The following NAALADL2 variants were observed in gnomAD, a reference collection of about 807,000 sequenced individuals.
NAALADL2 encodes the protein inactive N-acetylated-alpha-linked acidic dipeptidase-like protein 2.
A neutral mutation model predicts 87.2 loss-of-function variants in NAALADL2; 76 were observed. The observed-to-expected ratio is 0.87, with a 90% CI of 0.72 to 1.05. The LOEUF is 1.05. Among genes scored for constraint, NAALADL2 ranks in the 50% least tolerant of loss-of-function variants. The pLI, the probability that NAALADL2 is intolerant of heterozygous loss-of-function variation, is 0.00. For missense variants in NAALADL2, 1,089 were observed against 945.8 expected (o/e 1.15, Z -1.99); for synonymous variants, 354 against 331.0 (o/e 1.07, Z -0.75).
chr3:175,594,259 C>T (rs1721941291), intron 10 of NAALADL2, among the ~76,000 whole-genome samples: 1 of 152,118 alleles, frequency 6.6e-6, no homozygotes, highest in African/African-American at 2.4e-5. Context: ...CTTTGGTTTT[C>T]TGTTCCTGCA....
chr3:175,032,361 A>G (rs1442440220), intron 1 of NAALADL2, among the ~76,000 whole-genome samples: 1 of 152,078 alleles, frequency 6.6e-6, no homozygotes, highest in East Asian at 1.9e-4. Context: ...AGTGATATCC[A>G]TGCGGTAAGC....
intron 4 of NAALADL2, among the ~76,000 whole-genome samples, chr3:175,266,522 A>T (rs1230077704): frequency 6.6e-6 from 1 of 151,650 alleles, no homozygotes; most frequent in East Asian, 1.9e-4. Flanking sequence ...TTTTGTTTCA[A>T]TCTAAATCTC....
chr3:175,506,713 T>C (rs1296309817), intron 9 of NAALADL2, among the ~76,000 whole-genome samples: 1 of 152,168 alleles, frequency 6.6e-6, no homozygotes, highest in Non-Finnish European at 1.5e-5. Context: ...AGTAGGGGCT[T>C]TTTAGATGTA....
intron 13 of NAALADL2, chr3:175,776,145 G>A (rs1227646121): frequency 6.6e-6 from 1 of 151,832 alleles, no homozygotes; most frequent in African/African-American, 2.4e-5. Flanking sequence ...AATCGTTTTG[G>A]TTGCTGCAGT....
chr3:175,473,148 A>C (rs1044813868), intron 9 of NAALADL2, among the ~76,000 whole-genome samples: 3 of 152,136 alleles, frequency 2.0e-5, no homozygotes, highest in African/African-American at 7.2e-5. Context: ...ATTTCTGAGA[A>C]TATAATGCTA....
intron 3 of NAALADL2, among the ~76,000 whole-genome samples, chr3:174,847,814 A>AG (rs1357127690): frequency 1.3e-5 from 2 of 149,728 alleles, no homozygotes; most frequent in Non-Finnish European, 3.0e-5. Context: ...GAAAAAAAAA[A>AG]AAAGCACATC....
intron 3 of NAALADL2, among the ~76,000 whole-genome samples, chr3:174,760,085 T>C (rs1333911228): frequency 1.3e-5 from 2 of 152,180 alleles, no homozygotes; most frequent in Admixed American, 6.5e-5. Flanking sequence ...TCCTGTAAAG[T>C]AGATAGAGCA....
At chr3:174,997,003 T>G (rs950731390) in intron 1 of NAALADL2, among the ~76,000 whole-genome samples, 12 of 103,610 alleles carry the variant, frequency 1.2e-4, no homozygotes, top group African/African-American at 4.9e-4. Flanking sequence ...GGTGTGTGTG[T>G]GTGTGTGTGT....
chr3:174,522,484 T>C (rs527792778), intron 1 of NAALADL2, among the ~76,000 whole-genome samples: 3 of 151,674 alleles, frequency 2.0e-5, no homozygotes, highest in Non-Finnish European at 4.4e-5. Context: ...AACATAGACT[T>C]CATCTCTCCA....
intron 9 of NAALADL2, among the ~76,000 whole-genome samples, chr3:175,547,223 T>C (rs1713486167): frequency 6.6e-6 from 1 of 152,006 alleles, no homozygotes; most frequent in Non-Finnish European, 1.5e-5. Flanking sequence ...AACAGACACA[T>C]AGACCAATGG....
chr3:174,800,329 G>A (rs562839469), intron 3 of NAALADL2, among the ~76,000 whole-genome samples: 28 of 152,154 alleles, frequency 1.8e-4, no homozygotes, highest in African/African-American at 5.5e-4. Context: ...CTTGGTACCC[G>A]GCCAGCCACT....
chr3:174,536,680 C>G (rs1721755834), intron 1 of NAALADL2: 1 of 152,068 alleles, frequency 6.6e-6, no homozygotes, highest in Admixed American at 6.5e-5. Context: ...TTATTCAACC[C>G]TAGGTAAGCC....
chr3:175,367,199 A>G (rs1001880566), intron 5 of NAALADL2, among the ~76,000 whole-genome samples: 31 of 151,510 alleles, frequency 2.0e-4, no homozygotes, highest in African/African-American at 6.8e-4. Flanking sequence ...TGAGGGCTCT[A>G]TTCTGTTCCA....
At chr3:175,686,892 G>A (rs1315093041) in intron 11 of NAALADL2, among the ~76,000 whole-genome samples, 2 of 152,126 alleles carry the variant, frequency 1.3e-5, no homozygotes, top group Non-Finnish European at 2.9e-5. Context: ...TGTTTGCTAT[G>A]AACAAGTTAT....
Position 174,918,207 on chromosome 3 carries a change from G to T in NAALADL2, c.43+58757G>T, listed in dbSNP as rs1045552509. Among the ~76,000 whole-genome samples the T allele has an allele frequency of 4.6e-5, 7 of 151,918 alleles. No homozygotes were observed. The South Asian group carries it at 1.2e-3, about 27-fold the overall frequency. ...ATTGCATCTAATAATTTTATAAGTT[G>T]AGTTTAGGGAGGTTATTTAGTATGC... On this transcript the variant is annotated intron_variant, in intron 1 of 13. Coordinates refer to ENST00000454872, the MANE Select transcript of NAALADL2 (RefSeq NM_207015.3).
chr3:175,380,480 A>T (rs1293757693), intron 5 of NAALADL2, among the ~76,000 whole-genome samples: 1 of 152,142 alleles, frequency 6.6e-6, no homozygotes, highest in African/African-American at 2.4e-5. Context: ...TTCCGCAAAG[A>T]ATTACAGACA....
At chr3:175,528,355 G>A (rs929845849) in intron 9 of NAALADL2, among the ~76,000 whole-genome samples, 2 of 152,054 alleles carry the variant, frequency 1.3e-5, no homozygotes, top group African/African-American at 4.8e-5. Flanking sequence ...TAGGCTGGGA[G>A]GCTAAGCCAG....
intron 1 of NAALADL2, among the ~76,000 whole-genome samples, chr3:174,535,256 G>T (rs756097931): frequency 6.6e-6 from 1 of 152,054 alleles, no homozygotes; most frequent in Non-Finnish European, 1.5e-5. Context: ...TTACAACAAT[G>T]TATGACAGTA....
chr3:174,905,557 AC>A (rs1732862679), intron 1 of NAALADL2, among the ~76,000 whole-genome samples: 2 of 152,038 alleles, frequency 1.3e-5, no homozygotes, highest in Non-Finnish European at 2.9e-5. Flanking sequence ...GGCAAGTAAA[AC>A]TTTAAAAATA....
Sources: gnomAD v4.1 joint callset for allele counts (sites outside exome capture counted in the v4.1 genomes callset) on GRCh38, gnomAD v4.1.1 for gene constraint, MANE v1.5 for transcripts, NCBI Gene and HGNC (gene_info 2026-07-23, HGNC 2026-07-21) for gene names.